Variants in GLIS1 observed in about 807,000 individuals in gnomAD.
GLIS1 encodes the protein zinc finger protein GLIS1.
A neutral mutation model predicts 63.8 loss-of-function variants in GLIS1; 24 were observed. The ratio of observed to expected loss-of-function variants is 0.38; its 90% CI spans 0.27 to 0.53. The LOEUF (loss-of-function observed/expected upper bound fraction) is 0.53, where lower values mean the gene tolerates loss of function less well. GLIS1 is among the 20% of genes least tolerant of loss of function. The probability of loss-of-function intolerance (pLI) is 0.85; values close to 1 mark genes in which losing one functional copy is unlikely to be tolerated. For missense variants in GLIS1, 1,036 were observed against 1,074.1 expected, an observed-to-expected ratio of 0.96 and a Z score of 0.50; for synonymous variants, 450 against 482.5, an observed-to-expected ratio of 0.93 and a Z score of 0.88.
intron 4 of GLIS1, among the ~76,000 whole-genome samples, chr1:53,538,584 C>T (rs546864083): frequency 2.0e-5 from 3 of 152,278 alleles, no homozygotes; most frequent in Non-Finnish European, 4.4e-5. Context: ...GAGGCAAGAC[C>T]ATCTGCTCAC....
intron 4 of GLIS1, among the ~76,000 whole-genome samples, chr1:53,573,250 G>C (rs1255149568): frequency 6.6e-6 from 1 of 152,114 alleles, no homozygotes; most frequent in East Asian, 1.9e-4. Flanking sequence ...CTGTCTGCTG[G>C]GGAAGGTGCC....
At chr1:53,680,711 C>CTGAA (rs1050525588) in intron 2 of GLIS1, among the ~76,000 whole-genome samples, 7 of 152,174 alleles carry the variant, frequency 4.6e-5, no homozygotes, top group South Asian at 2.1e-4. Context: ...CTACTATCTG[C>CTGAA]TGAATGAATG....
At chr1:53,508,917 G>T (rs369503720) in intron 10 of GLIS1, among the ~76,000 whole-genome samples, 13 of 152,258 alleles carry the variant, frequency 8.5e-5, no homozygotes, top group African/African-American at 2.9e-4. Flanking sequence ...TGTGCAAGGA[G>T]CATGCACTTT....
intron 4 of GLIS1, among the ~76,000 whole-genome samples, chr1:53,583,334 T>A (rs1278051352): frequency 6.6e-6 from 1 of 152,162 alleles, no homozygotes; most frequent in Non-Finnish European, 1.5e-5. Flanking sequence ...AAGATACAAA[T>A]GTTACTTTTG....
rs1644873032 is a variant in GLIS1 at position 53,560,294 on chromosome 1, C to A, written c.1321-30342G>T. On this transcript the variant is annotated intron_variant, in intron 4 of 10. Transcript: ENST00000628545. The surrounding 1 kb of genome is among the most constrained non-coding windows in gnomAD (Gnocchi z 4.4). ...GTGTTGACTCATCTCTGTCCCAGCA[C>A]TGAGGGAAGACAAGGAGCCCTAGGG... is the stretch of plus-strand genomic sequence containing the variant. Among the ~76,000 whole-genome samples, 1 of 152,190 alleles carries A rather than the reference C, an allele frequency of 6.6e-6. No individual in the cohort carries two copies. The highest frequency in any genetic ancestry group is 6.5e-5 in the Admixed American group (1 of 15,284).
At chr1:53,672,221 AGAGTTAG>A (rs981008618) in intron 2 of GLIS1, among the ~76,000 whole-genome samples, 10 of 152,188 alleles carry the variant, frequency 6.6e-5, no homozygotes, top group African/African-American at 2.4e-4. Flanking sequence ...GCCTGAGAGT[AGAGTTAG>A]GAAGCAGTGC....
chr1:53,585,270 G>A (rs72904943), intron 4 of GLIS1, among the ~76,000 whole-genome samples: 4,233 of 151,890 alleles, frequency 0.028, 210 homozygotes, highest in African/African-American at 0.098. Flanking sequence ...TCTAATATGC[G>A]CCAGGCACGA....
intron 4 of GLIS1, among the ~76,000 whole-genome samples, chr1:53,555,330 A>G (rs1644807629): frequency 6.6e-6 from 1 of 152,176 alleles, no homozygotes; most frequent in South Asian, 2.1e-4. Flanking sequence ...GGAGATCGAG[A>G]CCATCCTGGC....
At chr1:53,592,649 C>T (rs776101168) in intron 4 of GLIS1, among the ~76,000 whole-genome samples, 9 of 152,212 alleles carry the variant, frequency 5.9e-5, no homozygotes, top group African/African-American at 9.6e-5. Flanking sequence ...AGCCACCAGG[C>T]CTCCTTCCAG....
Position 53,526,450 on chromosome 1 carries a change from G to C in GLIS1, c.1483-1563C>G, listed in dbSNP as rs1035447223. Reference sequence around the variant, plus strand: ...CCGGGGTTGGCCTGGGAGGGAGAGCGGAGGCCTGCCGCGGATGGCCCCTGC... The same window carrying C: ...CCGGGGTTGGCCTGGGAGGGAGAGCCGAGGCCTGCCGCGGATGGCCCCTGC... On this transcript the variant is annotated intron_variant, in intron 5 of 10. Coordinates refer to ENST00000628545, the MANE Select transcript of GLIS1 (RefSeq NM_001367484.1). This position sits in a 1 kb window ranked among gnomAD's most constrained non-coding sequence, Gnocchi z 4.4. Among the ~76,000 whole-genome samples, 15 of 152,128 alleles carry C rather than the reference G, an allele frequency of 9.9e-5. No individual in the cohort carries two copies. The highest frequency in any genetic ancestry group is 2.6e-4 in the Admixed American group (4 of 15,276).
At position 53,539,196 on chromosome 1, in the gene GLIS1, C is replaced by A. The variant is rs372344413; in HGVS notation, c.1321-9244G>T. Among the ~76,000 whole-genome samples, 14 of 151,910 alleles carry A rather than the reference C, an allele frequency of 9.2e-5. 1 individual carries two copies. The highest frequency in any genetic ancestry group is 3.4e-4 in the African/African-American group (14 of 41,344). ...GTGAACACCTCTCCCTCCAACCAAG[C>A]CACACGTCGGAGACAGCCCCAACAC... On this transcript the variant is annotated intron_variant, in intron 4 of 10. Coordinates refer to ENST00000628545, the MANE Select transcript of GLIS1 (RefSeq NM_001367484.1). The surrounding 1 kb of genome is among the most constrained non-coding windows in gnomAD (Gnocchi z 5.0).
intron 2 of GLIS1, among the ~76,000 whole-genome samples, chr1:53,645,459 G>C (rs4926610): frequency 0.68 from 104,076 of 151,968 alleles, 36,286 homozygotes; most frequent in Middle Eastern, 0.8. Flanking sequence ...TACAACAGTT[G>C]TGACACCCAG....
At chr1:53,577,444 T>C (rs1260959778) in intron 4 of GLIS1, among the ~76,000 whole-genome samples, 1 of 152,228 alleles carries the variant, frequency 6.6e-6, no homozygotes, top group Middle Eastern at 3.2e-3. Context: ...AAGCCATTTC[T>C]GGAGCTGACA....
At chr1:53,570,523 G>A (rs1327492841) in intron 4 of GLIS1, among the ~76,000 whole-genome samples, 2 of 152,068 alleles carry the variant, frequency 1.3e-5, no homozygotes, top group African/African-American at 2.4e-5. Flanking sequence ...GAAATAGCGG[G>A]GATGGACTTT....
At chr1:53,627,086 A>G (rs938004166) in intron 2 of GLIS1, among the ~76,000 whole-genome samples, 2 of 152,214 alleles carry the variant, frequency 1.3e-5, no homozygotes, top group African/African-American at 4.8e-5. Context: ...TCCCACAACC[A>G]CAGCCACACT....
intron 2 of GLIS1, among the ~76,000 whole-genome samples, chr1:53,637,821 T>C (rs1349686531): frequency 2.0e-5 from 3 of 152,134 alleles, no homozygotes; most frequent in African/African-American, 7.2e-5. Context: ...GCTCTCACCA[T>C]GTATCAAGCA....
intron 2 of GLIS1, among the ~76,000 whole-genome samples, chr1:53,619,013 G>A (rs1341254573): frequency 4.6e-5 from 7 of 152,162 alleles, no homozygotes; most frequent in Non-Finnish European, 1.0e-4. Context: ...ATGTTCTGTC[G>A]TCTTCTAATC....
chr1:53,507,835 T>C (rs1418346296), intron 10 of GLIS1, among the ~76,000 whole-genome samples: 2 of 152,088 alleles, frequency 1.3e-5, no homozygotes, highest in East Asian at 3.9e-4. Flanking sequence ...GCTGCTCAGC[T>C]GAGAAATCCC....
At chr1:53,733,848 C>T in intron 2 of GLIS1, 1 of 893,390 alleles carries the variant, frequency 1.1e-6, no homozygotes, top group Non-Finnish European at 1.3e-6. Context: ...GGATGAAATG[C>T]AAGCAAATTG....
Sources: allele counts gnomAD v4.1 joint callset (sites outside exome capture counted in the v4.1 genomes callset), GRCh38; gene constraint gnomAD v4.1.1; non-coding constraint Gnocchi (gnomAD v3.1); transcripts MANE v1.5; gene names NCBI Gene and HGNC (gene_info 2026-07-23, HGNC 2026-07-21).